The following TRPM3 variants were observed in gnomAD, a reference collection of about 807,000 sequenced individuals.
The protein encoded by TRPM3 is transient receptor potential cation channel subfamily M member 3.
In TRPM3, 77 loss-of-function variants were observed where a neutral mutation model predicts 181.2. The observed-to-expected ratio is 0.42, with a 90% CI of 0.35 to 0.51. The LOEUF (loss-of-function observed/expected upper bound fraction) is 0.51, where lower values mean the gene tolerates loss of function less well. Among genes scored for constraint, TRPM3 ranks in the 20% least tolerant of loss-of-function variants. TRPM3 has a pLI of 0.01. For missense variants in TRPM3, 1,759 were observed against 2,196.7 expected (o/e 0.80, Z 3.98); for synonymous variants, 745 against 796.4 (o/e 0.94, Z 1.09).
chr9:71,427,338 C>G (rs1377797836), intron 1 of TRPM3, among the ~76,000 whole-genome samples: 1 of 152,146 alleles, frequency 6.6e-6, no homozygotes, highest in Non-Finnish European at 1.5e-5. Context: ...CAAATTCTCA[C>G]ACCACACTTC....
chr9:70,573,972 T>TCA (rs59193514), intron 22 of TRPM3, among the ~76,000 whole-genome samples: 12,687 of 140,752 alleles, frequency 0.09, 578 homozygotes, highest in African/African-American at 0.096. Context: ...GCAATTCATT[T>TCA]CACACACACA....
At chr9:70,550,766 A>G (rs2046277061) in intron 24 of TRPM3, among the ~76,000 whole-genome samples, 1 of 152,238 alleles carries the variant, frequency 6.6e-6, no homozygotes, top group Admixed American at 6.5e-5. Flanking sequence ...GCTTTGGGAC[A>G]TTAGCCTGAA....
At chr9:71,391,863 T>G (rs1428048815) in intron 1 of TRPM3, among the ~76,000 whole-genome samples, 1 of 152,098 alleles carries the variant, frequency 6.6e-6, no homozygotes, top group Admixed American at 6.6e-5. Flanking sequence ...AGTTAAACAT[T>G]TAAGCAGCTA....
At chr9:70,679,345 C>G (rs188037954) in intron 9 of TRPM3, among the ~76,000 whole-genome samples, 217 of 152,222 alleles carry the variant, frequency 1.4e-3, no homozygotes, top group Middle Eastern at 6.8e-3. Flanking sequence ...TGGAAAACAA[C>G]TATTCTATAA....
At chr9:71,181,493 A>T (rs1192144635) in intron 1 of TRPM3, among the ~76,000 whole-genome samples, 2 of 152,060 alleles carry the variant, frequency 1.3e-5, no homozygotes, top group African/African-American at 2.4e-5. Flanking sequence ...TAGGAAATAC[A>T]TAGCTTAAAT....
At chr9:70,919,541 T>C (rs1266762872) in intron 1 of TRPM3, among the ~76,000 whole-genome samples, 1 of 152,192 alleles carries the variant, frequency 6.6e-6, no homozygotes, top group Non-Finnish European at 1.5e-5. Flanking sequence ...CCCAGCACTT[T>C]GGGACGCCAA....
chr9:71,199,498 G>A (rs1265363680), intron 1 of TRPM3, among the ~76,000 whole-genome samples: 1 of 151,902 alleles, frequency 6.6e-6, no homozygotes, highest in African/African-American at 2.4e-5. Flanking sequence ...GAATCCATCT[G>A]GTCCTGGACT....
intron 1 of TRPM3, among the ~76,000 whole-genome samples, chr9:71,170,140 G>C (rs2076778200): frequency 6.6e-6 from 1 of 152,064 alleles, no homozygotes; most frequent in South Asian, 2.1e-4. Context: ...AGAAATTGGA[G>C]GTAGAGAAGT....
At chr9:71,265,840 C>G (rs1384138689) in intron 1 of TRPM3, among the ~76,000 whole-genome samples, 1 of 152,184 alleles carries the variant, frequency 6.6e-6, no homozygotes, top group Non-Finnish European at 1.5e-5. Context: ...ACTATTCTTT[C>G]TCTCACCTCT....
rs2041951842 is a variant in TRPM3 at position 70,537,059 on chromosome 9, A to G, written c.4054T>C (p.Tyr1352His). The G allele has an allele frequency of 2.5e-6, 4 of 1,612,412 alleles. No individual in the cohort carries two copies. The highest frequency in any genetic ancestry group is 3.4e-6 in the Non-Finnish European group (4 of 1,178,488). The change falls in exon 26 of 26, where the codon TAT (tyrosine) becomes CAT (histidine). Residue 1352 changes from tyrosine to histidine, a missense_variant. Tyr to His is a moderately conservative substitution (Grantham distance 83). Around this residue, in one of 8 missense-constraint regions of TRPM3, gnomAD observed 612 missense variants for 590.0 expected, o/e 1.04. Coordinates refer to ENST00000677713, the MANE Select transcript of TRPM3 (RefSeq NM_001366145.2). ...LMPRMRSHSF[Y>H]SVNMKDKGGI... Reference sequence around the variant, plus strand: ...CCTTTGTCTTTCATATTGACCGAATAGAAAGAATGGCTTCGCATACGGGGC... The same window carrying G: ...CCTTTGTCTTTCATATTGACCGAATGGAAAGAATGGCTTCGCATACGGGGC...
At chr9:71,413,595 A>T (rs1041629670) in intron 1 of TRPM3, among the ~76,000 whole-genome samples, 1 of 152,100 alleles carries the variant, frequency 6.6e-6, no homozygotes, top group African/African-American at 2.4e-5. Flanking sequence ...AAATTCATGT[A>T]TTAGAAACTT....
In TRPM3 at chr9:70,647,931, T is replaced by G. The variant is rs371248983; in HGVS notation, c.1346-7271A>C. ...GCTGAGAGACAAATCAAGAATGCAA[T>G]ATCAGTCACAATAGCTATAAAAAGA... On this transcript the variant is annotated intron_variant, in intron 9 of 25. Transcript: ENST00000677713. Among the ~76,000 whole-genome samples, 208 of 152,234 alleles carry G rather than the reference T, an allele frequency of 1.4e-3. 3 individuals are homozygous for G. The South Asian group carries it at 0.02, about 15-fold the overall frequency.
intron 1 of TRPM3, among the ~76,000 whole-genome samples, chr9:71,387,314 C>T (rs1201845637): frequency 6.6e-6 from 1 of 152,122 alleles, no homozygotes; most frequent in Non-Finnish European, 1.5e-5. Context: ...CATGGTCAAA[C>T]CAGATAATTG....
intron 12 of TRPM3, among the ~76,000 whole-genome samples, chr9:70,631,851 G>C (rs921260517): frequency 6.6e-6 from 1 of 152,212 alleles, no homozygotes; most frequent in African/African-American, 2.4e-5. Context: ...TCTCAAAGAA[G>C]AGGTAAACTG....
intron 22 of TRPM3, among the ~76,000 whole-genome samples, chr9:70,570,148 A>G (rs1259615280): frequency 6.6e-6 from 1 of 152,020 alleles, no homozygotes; most frequent in Non-Finnish European, 1.5e-5. Flanking sequence ...CTTGCTGGGC[A>G]ATCCATCGCT....
At chr9:71,024,810 T>G (rs887679244) in intron 1 of TRPM3, among the ~76,000 whole-genome samples, 3 of 152,198 alleles carry the variant, frequency 2.0e-5, no homozygotes, top group African/African-American at 7.2e-5. Flanking sequence ...ACTTTTTCCT[T>G]GTTATTTATT....
chr9:70,950,331 G>A (rs901061968), intron 1 of TRPM3, among the ~76,000 whole-genome samples: 1 of 152,122 alleles, frequency 6.6e-6, no homozygotes, highest in Non-Finnish European at 1.5e-5. Context: ...GCTGTCAAAA[G>A]CTCATGATGG....
At chr9:71,244,760 A>C (rs2131985046) in intron 1 of TRPM3, among the ~76,000 whole-genome samples, 1 of 152,300 alleles carries the variant, frequency 6.6e-6, no homozygotes, top group Admixed American at 6.5e-5. Context: ...TGGGGCAGGG[A>C]AGTGGGAAGA....
At chr9:71,328,087 A>G (rs1200407158) in intron 1 of TRPM3, among the ~76,000 whole-genome samples, 1 of 151,924 alleles carries the variant, frequency 6.6e-6, no homozygotes, top group Non-Finnish European at 1.5e-5. Flanking sequence ...AAAACAAAAA[A>G]AAAACCCCAA....
Sources: allele counts gnomAD v4.1 joint callset (sites outside exome capture counted in the v4.1 genomes callset), GRCh38; gene constraint gnomAD v4.1.1; regional missense constraint gnomAD v4.1.1; transcripts MANE v1.5; gene names NCBI Gene and HGNC (gene_info 2026-07-23, HGNC 2026-07-21).